The following PDE4DIP variants were observed in gnomAD, a reference collection of about 807,000 sequenced individuals.
PDE4DIP encodes phosphodiesterase 4D interacting protein.
PDE4DIP carries 59 observed loss-of-function variants against 221.4 expected under a neutral mutation model. The ratio of observed to expected loss-of-function variants is 0.27; its 90% CI spans 0.22 to 0.33. The LOEUF is 0.33. Among genes scored for constraint, PDE4DIP ranks in the 10% least tolerant of loss-of-function variants. PDE4DIP has a pLI of 1.00. For synonymous variants in PDE4DIP, 404 were observed against 815.9 expected (o/e 0.50, Z 8.60); for missense variants, 1,036 against 2,154.2 (o/e 0.48, Z 10.28).
At chr1:149,028,941 A>C (rs2075952560) in intron 41 of PDE4DIP, among the ~76,000 whole-genome samples, 1 of 152,138 alleles carries the variant, frequency 6.6e-6, no homozygotes, top group Non-Finnish European at 1.5e-5. Flanking sequence ...TTAAGAAATC[A>C]AAGAAGATGA....
In PDE4DIP at chr1:148,934,189, G is replaced by C. The variant is rs587648155; in HGVS notation, c.518+1901G>C. ...TCATTTCTTTGAAGGCTTTGTGATA[G>C]CAGAATGAAGTTTCTGTATTGTTTC... On this transcript the variant is annotated intron_variant, in intron 4 of 43. Coordinates refer to ENST00000369354, the Ensembl canonical transcript of PDE4DIP. Among the ~76,000 whole-genome samples, 12 of 151,952 alleles carry C rather than the reference G, an allele frequency of 7.9e-5. No homozygotes were observed. In the East Asian group the frequency reaches 2.1e-3, roughly 27 times the overall value.
chr1:148,977,822 C>T (rs2060474063), intron 17 of PDE4DIP, 115 bp from the exon 21 acceptor site: 1 of 1,467,138 alleles, frequency 6.8e-7, no homozygotes, highest in Non-Finnish European at 9.2e-7. Flanking sequence ...CTGTAGAGCC[C>T]TATTCATGTT....
rs1558490109 is a variant in PDE4DIP at position 148,836,243 on chromosome 1, GA to G, written c.234-27006del. 3.3e-5 allele frequency among the ~76,000 whole-genome samples: 5 copies of G among 152,308 alleles called. No individual in the cohort carries two copies. In the South Asian group the frequency reaches 8.3e-4, roughly 25 times the overall value. On this transcript the variant is annotated intron_variant, in intron 1 of 45. Coordinates refer to the PDE4DIP transcript ENST00000524974. ...TAGGACCCCCCCGAGCCATGCACGGGATATAATCTCCTGGTGTGCCGTTTGC... is the reference window on the plus strand; with the variant it reads ...TAGGACCCCCCCGAGCCATGCACGGGTATAATCTCCTGGTGTGCCGTTTGC...
chr1:149,031,217 C>T (rs1391323072), intron 43 of PDE4DIP: 1 of 986,652 alleles, frequency 1.0e-6, no homozygotes, highest in Non-Finnish European at 1.2e-6. Flanking sequence ...ATTCCTGTCC[C>T]AGAAAAGGTA....
In PDE4DIP at chr1:148,986,621, G is replaced by A. The variant is rs147058695; in HGVS notation, c.2815+5224G>A. On this transcript the variant is annotated intron_variant, in intron 21 of 43. Coordinates refer to ENST00000369354, the Ensembl canonical transcript of PDE4DIP. ...TCGTAGAATGAGTCTTTAACTAAAG[G>A]AAGGAAGAAGAAACTCGAATTTTTC... The A allele has an allele frequency of 2.6e-5, 4 of 152,198 alleles. No homozygotes were observed. The East Asian group carries it at 7.7e-4, about 29-fold the overall frequency. The allele number at this position is 152,198 out of a possible 1,614,324, so 9.4% of individuals were successfully genotyped here.
intron 37 of PDE4DIP, 135 bp downstream of exon 40, chr1:149,021,288 G>A: frequency 1.4e-6 from 1 of 694,648 alleles, no homozygotes; most frequent in Middle Eastern, 4.7e-4. Context: ...CCGAGCCTGG[G>A]GCTCCCAGTA....
At chr1:148,912,026 A>G (rs1182240451) in intron 1 of PDE4DIP, among the ~76,000 whole-genome samples, 1 of 146,830 alleles carries the variant, frequency 6.8e-6, no homozygotes, top group East Asian at 1.9e-4. Flanking sequence ...GGAGTTACAC[A>G]AGGGCACAAA....
In PDE4DIP at chr1:148,935,129, G is replaced by T. The variant is rs200401323; in HGVS notation, c.519-2618G>T. Reference sequence around the variant, plus strand: ...CTCGGGAGGCTGAGGCAGGAGAATCGCTTGAACCAGGGAGGTGGAGGTTGC... The same window carrying T: ...CTCGGGAGGCTGAGGCAGGAGAATCTCTTGAACCAGGGAGGTGGAGGTTGC... On this transcript the variant is annotated intron_variant, in intron 4 of 43. Transcript: ENST00000369354. 1.8e-3 allele frequency among the ~76,000 whole-genome samples: 272 copies of T among 152,016 alleles called. 1 individual carries two copies. The highest frequency in any genetic ancestry group is 6.0e-3 in the African/African-American group (248 of 41,506).
rs11394469 is a variant in PDE4DIP at position 148,892,298 on chromosome 1, A to AT, written c.141+2418dup. ...GCGTGAGCCACTGCGCCCCACCAGG[A>AT]TTTTTTTTTTTTTTAAAGCTGAATC... On this transcript the variant is annotated intron_variant, in intron 1 of 43. Coordinates refer to ENST00000369354, the Ensembl canonical transcript of PDE4DIP. 4.0e-3 allele frequency among the ~76,000 whole-genome samples: 453 copies of AT among 114,088 alleles called. 65 individuals are homozygous for AT. Among genetic ancestry groups the AT allele is most frequent in the African/African-American group, 6.2e-3 (172 of 27,598 alleles). 74.8% of individuals were successfully genotyped at this position (114,088 alleles called of 152,430 possible).
intron 37 of PDE4DIP, among the ~76,000 whole-genome samples, chr1:149,022,594 G>C (rs587647150): frequency 6.6e-6 from 1 of 152,258 alleles, no homozygotes; most frequent in African/African-American, 2.4e-5. Flanking sequence ...TAAGTACACA[G>C]TCATGGTGAG....
intron 38 of PDE4DIP, chr1:149,026,326 C>T: frequency 6.3e-6 from 1 of 157,528 alleles, no homozygotes; most frequent in Admixed American, 6.3e-5. Flanking sequence ...CCATTCATTC[C>T]TTGATTCTTT....
chr1:149,006,116 G>A (rs868984001), intron 27 of PDE4DIP, among the ~76,000 whole-genome samples: 5 of 151,838 alleles, frequency 3.3e-5, no homozygotes, highest in African/African-American at 1.2e-4. Flanking sequence ...CTGGGTGACA[G>A]AGCAAGAGTC....
At chr1:148,985,765 T>TTTC (rs1339827421) in intron 21 of PDE4DIP, 3 of 152,200 alleles carry the variant, frequency 2.0e-5, no homozygotes, top group Non-Finnish European at 4.4e-5. Context: ...ATCATACTGT[T>TTTC]TTCCTCTTAC....
At chr1:148,998,501 G>A (rs1348914029) in intron 23 of PDE4DIP, 126 bp downstream of exon 26, 3 of 567,222 alleles carry the variant, frequency 5.3e-6, no homozygotes, top group Non-Finnish European at 9.6e-6. Flanking sequence ...AGTAATATTG[G>A]CTAATGGTAA....
chr1:148,967,958 G>T (rs587734266), intron 13 of PDE4DIP, 53 bp downstream of exon 16: 6 of 867,920 alleles, frequency 6.9e-6, no homozygotes, highest in South Asian at 1.6e-5. Context: ...TGTAATCTCA[G>T]CCTTGGATTA....
At chr1:148,929,876 T>C (rs374400888) in intron 2 of PDE4DIP, 101 of 153,062 alleles carry the variant, frequency 6.6e-4, no homozygotes, top group South Asian at 5.1e-3. Flanking sequence ...CAATAGGGCA[T>C]TGATTGAATA....
chr1:148,987,372 C>T (rs587627229), intron 21 of PDE4DIP, among the ~76,000 whole-genome samples: 174 of 152,218 alleles, frequency 1.1e-3, no homozygotes, highest in Non-Finnish European at 2.1e-3. Context: ...GATAGGAGGC[C>T]TCTTTTCCTT....
At chr1:149,004,869 T>G in intron 26 of PDE4DIP, 40 bp from the exon 30 acceptor site, 2 of 607,964 alleles carry the variant, frequency 3.3e-6, no homozygotes, top group East Asian at 5.6e-5. Context: ...CAACAGCACA[T>G]CCAACTTTTA....
intron 5 of PDE4DIP, chr1:148,953,090 T>A (rs1287789521): frequency 1.2e-6 from 2 of 1,613,972 alleles, no homozygotes; most frequent in African/African-American, 2.7e-5. Flanking sequence ...TAACGATGAC[T>A]CTGGCGCGGA....
Sources: gnomAD v4.1 joint callset for allele counts (sites outside exome capture counted in the v4.1 genomes callset) on GRCh38, gnomAD v4.1.1 for gene constraint, MANE v1.5 for transcripts, NCBI Gene and HGNC (gene_info 2026-07-23, HGNC 2026-07-21) for gene names.